The following NKAIN3 variants were observed in gnomAD, a reference collection of about 807,000 sequenced individuals.
NKAIN3 encodes the protein sodium/potassium-transporting ATPase subunit beta-1-interacting protein 3.
NKAIN3 carries 25 observed loss-of-function variants against 30.2 expected under a neutral mutation model. That is an observed-to-expected ratio of 0.83 (90% confidence interval 0.60 to 1.16). The LOEUF is 1.16. Among genes scored for constraint, NKAIN3 ranks in the 50% most tolerant of loss-of-function variants. The pLI is 0.00. For synonymous variants in NKAIN3, 91 were observed against 89.6 expected (o/e 1.02, Z -0.09); for missense variants, 225 against 254.1 (o/e 0.89, Z 0.78).
chr8:62,909,808 G>T (rs1274972524), intron 4 of NKAIN3, among the ~76,000 whole-genome samples: 2 of 152,124 alleles, frequency 1.3e-5, no homozygotes, highest in African/African-American at 4.8e-5. Context: ...GATTATGGTT[G>T]GCAAATTCTG....
chr8:62,617,094 G>A lies in NKAIN3; in HGVS notation c.273+27300G>A, dbSNP rs377376058. On this transcript the variant is annotated intron_variant, in intron 3 of 6. Transcript: ENST00000623646. ...ATGCACCTGCTCCACTTTTCTTTCTGTCATGAGTAAAAGCTCCCTGAGGCA... is the reference window on the plus strand; with the variant it reads ...ATGCACCTGCTCCACTTTTCTTTCTATCATGAGTAAAAGCTCCCTGAGGCA... Among the ~76,000 whole-genome samples, 52 of 152,148 alleles carry A rather than the reference G, an allele frequency of 3.4e-4. No homozygotes were observed. The South Asian group carries it at 0.01, about 30-fold the overall frequency.
chr8:62,715,043 G>A lies in NKAIN3; in HGVS notation c.274-31889G>A, dbSNP rs1814850933. On this transcript the variant is annotated intron_variant, in intron 3 of 6. Transcript: ENST00000623646. Reference sequence around the variant, plus strand: ...AGGCCTCAGGAGACTTTCAATCATGGTGAAAGGTAATGGGGAAGCAGGTAC... The same window carrying A: ...AGGCCTCAGGAGACTTTCAATCATGATGAAAGGTAATGGGGAAGCAGGTAC... Among the ~76,000 whole-genome samples, 3 of 152,236 alleles carry A rather than the reference G, an allele frequency of 2.0e-5. No homozygotes were observed. In the South Asian group the frequency reaches 6.2e-4, roughly 32 times the overall value.
chr8:62,760,522 A>G (rs1816618509), intron 4 of NKAIN3, among the ~76,000 whole-genome samples: 2 of 151,972 alleles, frequency 1.3e-5, no homozygotes, highest in Admixed American at 6.5e-5. Context: ...AAACTATCGC[A>G]AGGACAAAAA....
chr8:62,716,754 A>AC (rs1554570089), intron 3 of NKAIN3, among the ~76,000 whole-genome samples: 1 of 151,708 alleles, frequency 6.6e-6, no homozygotes, highest in African/African-American at 2.4e-5. Context: ...AAAAAAAAAA[A>AC]CAAACAAAAC....
intron 4 of NKAIN3, among the ~76,000 whole-genome samples, chr8:62,897,661 T>C (rs1326861999): frequency 6.6e-6 from 1 of 152,182 alleles, no homozygotes; most frequent in African/African-American, 2.4e-5. Flanking sequence ...ATGGCAATAC[T>C]GGGAGGTGAC....
At chr8:62,842,870 A>T (rs947652759) in intron 4 of NKAIN3, among the ~76,000 whole-genome samples, 1 of 152,118 alleles carries the variant, frequency 6.6e-6, no homozygotes, top group Non-Finnish European at 1.5e-5. Context: ...ACTCAAAATG[A>T]TTAAAGACTT....
intron 3 of NKAIN3, among the ~76,000 whole-genome samples, chr8:62,709,409 GTCTCT>G (rs1336434822): frequency 1.3e-5 from 2 of 152,064 alleles, no homozygotes; most frequent in Non-Finnish European, 2.9e-5. Flanking sequence ...CTTGTTATTT[GTCTCT>G]TCAGGGTATC....
chr8:62,787,747 T>C (rs1270272125), intron 4 of NKAIN3, among the ~76,000 whole-genome samples: 1 of 152,128 alleles, frequency 6.6e-6, no homozygotes, highest in African/African-American at 2.4e-5. Flanking sequence ...TTCTCATTGT[T>C]CAATTCCCAC....
At chr8:62,862,100 T>C (rs1820264361) in intron 4 of NKAIN3, among the ~76,000 whole-genome samples, 1 of 152,214 alleles carries the variant, frequency 6.6e-6, no homozygotes, top group Non-Finnish European at 1.5e-5. Context: ...TTAAAAACTA[T>C]GCAGTGCCAT....
chr8:62,857,521 G>C (rs1820099534), intron 4 of NKAIN3, among the ~76,000 whole-genome samples: 1 of 152,096 alleles, frequency 6.6e-6, no homozygotes, highest in Non-Finnish European at 1.5e-5. Context: ...TAATCACATA[G>C]TTCTTGGAGG....
intron 2 of NKAIN3, among the ~76,000 whole-genome samples, chr8:62,583,075 G>A (rs891380473): frequency 6.6e-6 from 1 of 152,208 alleles, no homozygotes; most frequent in African/African-American, 2.4e-5. Context: ...CCTCTAGAGT[G>A]TCTTGAGTAT....
intron 3 of NKAIN3, among the ~76,000 whole-genome samples, chr8:62,637,516 A>G (rs575134662): frequency 6.6e-6 from 1 of 152,144 alleles, no homozygotes; most frequent in Non-Finnish European, 1.5e-5. Context: ...GCTCCCAGGG[A>G]ATGTTCTCTT....
At chr8:62,663,078 G>T (rs1445510726) in intron 3 of NKAIN3, among the ~76,000 whole-genome samples, 1 of 152,236 alleles carries the variant, frequency 6.6e-6, no homozygotes, top group Admixed American at 6.5e-5. Context: ...GAATAAGGCA[G>T]GAAAGTGCAT....
rs143250157 is a variant in NKAIN3, at chr8:62,917,484, C to G, written c.472-969C>G. Among the ~76,000 whole-genome samples, 19 of 152,266 alleles carry G rather than the reference C, an allele frequency of 1.2e-4. 1 individual carries two copies. In the East Asian group the frequency reaches 3.7e-3, roughly 29 times the overall value. On this transcript the variant is annotated intron_variant, in intron 4 of 6. Transcript: ENST00000623646. The stretch of plus-strand genomic sequence containing the variant: ...GCTTCTTGGCCTTTGTCCAGACAGT[C>G]CAGAGATGGATGACAAGCTCAGGGT...
intron 4 of NKAIN3, among the ~76,000 whole-genome samples, chr8:62,807,897 G>T (rs1019869483): frequency 6.6e-6 from 1 of 151,376 alleles, no homozygotes; most frequent in East Asian, 1.9e-4. Flanking sequence ...ATGAGATTGT[G>T]ATTATGTTAA....
At chr8:62,311,209 A>G (rs1170008197) in intron 1 of NKAIN3, among the ~76,000 whole-genome samples, 1 of 150,692 alleles carries the variant, frequency 6.6e-6, no homozygotes, top group African/African-American at 2.5e-5. Context: ...TTATGTCTTC[A>G]ATTTAATATA....
intron 6 of NKAIN3, among the ~76,000 whole-genome samples, chr8:62,954,528 G>A (rs1823370635): frequency 6.6e-6 from 1 of 152,134 alleles, no homozygotes; most frequent in African/African-American, 2.4e-5. Flanking sequence ...TGTTCTTAGA[G>A]GACATGAAAG....
Position 62,579,762 on chromosome 8 carries a change from T to C in NKAIN3, c.192+86T>C, listed in dbSNP as rs534373392. ...AAATAAAATATTTCTAAGTGGCCCCTTCTGATATAATGTGGCATTGCTTTT... is the reference window on the plus strand; with the variant it reads ...AAATAAAATATTTCTAAGTGGCCCCCTCTGATATAATGTGGCATTGCTTTT... On this transcript the variant is annotated intron_variant, in intron 2 of 6. Transcript: ENST00000623646. 5.4e-6 allele frequency: 4 copies of C among 740,392 alleles called. No homozygotes were observed. In the South Asian group the frequency reaches 2.1e-4, roughly 38 times the overall value. The allele number at this position is 740,392 out of a possible 1,614,324, so 45.9% of individuals were successfully genotyped here.
chr8:62,579,338 A>T (rs189027075), intron 1 of NKAIN3, among the ~76,000 whole-genome samples: 20 of 152,238 alleles, frequency 1.3e-4, no homozygotes, highest in Admixed American at 1.2e-3. Flanking sequence ...TTGAAGTTAT[A>T]ATGCTTAAAA....
Sources: gnomAD v4.1 joint callset for allele counts (sites outside exome capture counted in the v4.1 genomes callset) on GRCh38, gnomAD v4.1.1 for gene constraint, MANE v1.5 for transcripts, NCBI Gene and HGNC (gene_info 2026-07-23, HGNC 2026-07-21) for gene names.